Variants in RALGAPA1 observed in about 807,000 individuals in gnomAD.
RALGAPA1 encodes the protein Ral GTPase activating protein catalytic subunit alpha 1.
Under a neutral mutation model 269.6 loss-of-function variants are expected in RALGAPA1, and 52 were observed. That is an observed-to-expected ratio of 0.19 (90% CI 0.15 to 0.24). The LOEUF is 0.24. Among genes scored for constraint, RALGAPA1 ranks in the 10% least tolerant of loss-of-function variants. The pLI, the probability that RALGAPA1 is intolerant of heterozygous loss-of-function variation, is 1.00. For missense variants in RALGAPA1, 1,917 were observed against 3,013.9 expected (o/e 0.64, Z 8.52); for synonymous variants, 817 against 1,008.3 (o/e 0.81, Z 3.60).
At position 35,723,208 on chromosome 14, in the gene RALGAPA1, A is replaced by G. The variant is rs1165028461; in HGVS notation, c.1923T>C (p.Leu641=). 3 of 1,613,834 alleles carry G rather than the reference A, an allele frequency of 1.9e-6. No individual in the cohort carries two copies. Among genetic ancestry groups the G allele is most frequent in the Non-Finnish European group, 2.5e-6 (3 of 1,179,794 alleles). ...ANLNVYISRE[L]WDDLLSVLSS... ...ACAATACTGACAGTAAGTCATCCCAAAGTTCTCGGGAGATGTACACATTTA... is the reference window on the plus strand; with the variant it reads ...ACAATACTGACAGTAAGTCATCCCAGAGTTCTCGGGAGATGTACACATTTA... Residue 641 remains leucine (L), a synonymous_variant, in exon 15 of 42, where the codon CTT becomes CTC. Transcript: ENST00000680220.
intron 37 of RALGAPA1, among the ~76,000 whole-genome samples, chr14:35,583,746 A>G (rs935126601): frequency 9.2e-5 from 14 of 152,218 alleles, no homozygotes; most frequent in African/African-American, 3.1e-4. Context: ...CAAAGATAAA[A>G]ATTACTTCTG....
At chr14:35,798,232 C>A (rs116105055) in intron 1 of RALGAPA1, among the ~76,000 whole-genome samples, 89 of 151,054 alleles carry the variant, frequency 5.9e-4, no homozygotes, top group Middle Eastern at 3.4e-3. Context: ...TGTGCAGGGG[C>A]ATGAACACGG....
chr14:35,597,417 C>A (rs765543760), intron 36 of RALGAPA1, among the ~76,000 whole-genome samples: 10 of 152,040 alleles, frequency 6.6e-5, no homozygotes, highest in Non-Finnish European at 1.0e-4. Context: ...ATTTTCAAGT[C>A]AATTCTCTGA....
chr14:35,696,159 A>G (rs2066878918), intron 17 of RALGAPA1, among the ~76,000 whole-genome samples: 1 of 152,184 alleles, frequency 6.6e-6, no homozygotes, highest in African/African-American at 2.4e-5. Context: ...TGGGAGGCCA[A>G]GGTGTGGAGG....
intron 29 of RALGAPA1, among the ~76,000 whole-genome samples, chr14:35,654,684 T>C (rs1482311195): frequency 6.6e-6 from 1 of 152,228 alleles, no homozygotes; most frequent in Non-Finnish European, 1.5e-5. Flanking sequence ...TTTGTAATGT[T>C]TGACTGTCCT....
intron 35 of RALGAPA1, among the ~76,000 whole-genome samples, chr14:35,621,825 C>T (rs2060649261): frequency 6.6e-6 from 1 of 152,144 alleles, no homozygotes; most frequent in Admixed American, 6.5e-5. Context: ...TACCATCTCA[C>T]AACAGTTAGA....
chr14:35,726,505 C>G (rs977243621), intron 13 of RALGAPA1, among the ~76,000 whole-genome samples: 1 of 151,944 alleles, frequency 6.6e-6, no homozygotes, highest in African/African-American at 2.4e-5. Flanking sequence ...TAAATTCTGG[C>G]CAGGTGTGGT....
intron 39 of RALGAPA1, among the ~76,000 whole-genome samples, chr14:35,554,557 G>C (rs1278041232): frequency 2.0e-5 from 3 of 150,984 alleles, no homozygotes; most frequent in Admixed American, 2.0e-4. Flanking sequence ...CGTTTTAGCC[G>C]GGATGGTCTC....
intron 37 of RALGAPA1, among the ~76,000 whole-genome samples, chr14:35,585,997 T>C (rs1382197991): frequency 6.6e-6 from 1 of 152,184 alleles, no homozygotes; most frequent in Admixed American, 6.5e-5. Flanking sequence ...AGAAAGTCAT[T>C]TGTAGCTTGA....
intron 1 of RALGAPA1, among the ~76,000 whole-genome samples, chr14:35,798,938 G>A (rs1487446729): frequency 1.3e-5 from 2 of 151,154 alleles, no homozygotes; most frequent in Non-Finnish European, 2.9e-5. Context: ...GGAAGTAGTA[G>A]TGAGCCAAGA....
chr14:35,784,120 C>A (rs1427770411), intron 1 of RALGAPA1, among the ~76,000 whole-genome samples: 1 of 149,860 alleles, frequency 6.7e-6, no homozygotes, highest in Admixed American at 6.6e-5. Flanking sequence ...AAAAGTGTCT[C>A]ATCTCTATCA....
chr14:35,777,573 A>T (rs1440987495), intron 1 of RALGAPA1, among the ~76,000 whole-genome samples: 4 of 152,200 alleles, frequency 2.6e-5, no homozygotes, highest in Non-Finnish European at 5.9e-5. Flanking sequence ...TTTCTGTTTT[A>T]TTTTTTTGAG....
intron 35 of RALGAPA1, among the ~76,000 whole-genome samples, chr14:35,610,218 A>C (rs2059842468): frequency 6.6e-6 from 1 of 151,954 alleles, no homozygotes; most frequent in Admixed American, 6.5e-5. Context: ...GAAATGCTAT[A>C]AGCATTTGTA....
chr14:35,677,901 A>C (rs1225711734), intron 22 of RALGAPA1, 49 bp downstream of exon 22: 1 of 1,555,432 alleles, frequency 6.4e-7, no homozygotes, highest in Admixed American at 1.7e-5. Context: ...ATCTCCTGAC[A>C]CTGACGCCCT....
rs528215571 is a variant in RALGAPA1, at chr14:35,662,922, A to G, written c.5328+1720T>C. Among the ~76,000 whole-genome samples the G allele has an allele frequency of 3.3e-5, 4 of 122,786 alleles. No homozygotes were observed. In the East Asian group the frequency reaches 9.8e-4, roughly 30 times the overall value. The allele number at this position is 122,786 out of a possible 152,430, so 80.6% of individuals were successfully genotyped here. On this transcript the variant is annotated intron_variant, in intron 27 of 41. Coordinates refer to ENST00000680220, the MANE Select transcript of RALGAPA1 (RefSeq NM_001346249.2). ...GTAAGTCAAGTTCACTTGTTTAACAAATGATTTCCTTTTTTGGGGGGGGGG... is the reference window on the plus strand; with the variant it reads ...GTAAGTCAAGTTCACTTGTTTAACAGATGATTTCCTTTTTTGGGGGGGGGG...
chr14:35,753,249 C>CA (rs1299212851), intron 7 of RALGAPA1, among the ~76,000 whole-genome samples: 1 of 152,122 alleles, frequency 6.6e-6, no homozygotes. Context: ...ACCTGAGCAT[C>CA]AAAATTGGTA....
At chr14:35,685,227 T>C in intron 19 of RALGAPA1, 82 bp from the exon 20 acceptor site, 2 of 1,216,832 alleles carry the variant, frequency 1.6e-6, no homozygotes, top group Non-Finnish European at 2.3e-6. Context: ...TTCCAAACCA[T>C]CACAATAAAT....
chr14:35,660,614 G>T (rs1419755437), intron 27 of RALGAPA1, among the ~76,000 whole-genome samples: 1 of 152,004 alleles, frequency 6.6e-6, no homozygotes, highest in African/African-American at 2.4e-5. Flanking sequence ...CAAAGGAAAT[G>T]AAATTAGCAT....
chr14:35,748,942 C>A (rs765795832), intron 9 of RALGAPA1, 118 bp from the exon 10 acceptor site: 9 of 1,390,534 alleles, frequency 6.5e-6, no homozygotes, highest in Non-Finnish European at 2.8e-6. Flanking sequence ...GTAATTTATA[C>A]CACTGCTTAA....
Sources: allele counts gnomAD v4.1 joint callset (sites outside exome capture counted in the v4.1 genomes callset), GRCh38; gene constraint gnomAD v4.1.1; transcripts MANE v1.5; gene names NCBI Gene and HGNC (gene_info 2026-07-23, HGNC 2026-07-21).